NAMPT: variants seen among roughly 807,000 people sequenced by gnomAD.
NAMPT encodes NAmPRTase.
NAMPT carries 7 observed loss-of-function variants against 58.7 expected under a neutral mutation model. The observed-to-expected ratio is 0.12, with a 90% CI of 0.07 to 0.22. NAMPT has a LOEUF of 0.22. NAMPT is among the 10% of genes least tolerant of loss of function. NAMPT has a pLI of 1.00. For missense variants in NAMPT, 271 were observed against 567.9 expected, an observed-to-expected ratio of 0.48 and a Z score of 5.31; for synonymous variants, 145 against 198.1, an observed-to-expected ratio of 0.73 and a Z score of 2.25.
chr7:106,280,801 C>A (rs1324127096), intron 1 of NAMPT, among the ~76,000 whole-genome samples: 1 of 151,594 alleles, frequency 6.6e-6, no homozygotes, highest in Non-Finnish European at 1.5e-5. Context: ...ACTAGCCGGG[C>A]GTGGTGGCAC....
intron 3 of NAMPT, among the ~76,000 whole-genome samples, chr7:106,273,953 CT>C (rs1221702988): frequency 1.3e-5 from 2 of 151,690 alleles, no homozygotes; most frequent in Non-Finnish European, 2.9e-5. Flanking sequence ...GTTTGTGAGA[CT>C]TAAAAGTAAC....
intron 8 of NAMPT, among the ~76,000 whole-genome samples, chr7:106,258,402 T>A (rs1792246817): frequency 6.6e-6 from 1 of 152,242 alleles, no homozygotes; most frequent in Non-Finnish European, 1.5e-5. Flanking sequence ...GTTTCATAGC[T>A]GTAGATACCA....
intron 4 of NAMPT, chr7:106,272,206 T>C (rs1046995521): frequency 1.4e-5 from 4 of 284,654 alleles, no homozygotes; most frequent in Non-Finnish European, 2.9e-5. Flanking sequence ...CGTAAGTTAC[T>C]AGAAATGTGC....
intron 3 of NAMPT, among the ~76,000 whole-genome samples, chr7:106,273,299 G>A (rs181131363): frequency 6.6e-5 from 10 of 152,276 alleles, no homozygotes; most frequent in Admixed American, 3.3e-4. Flanking sequence ...TTAGGCTGAA[G>A]GTTATTTGTT....
intron 4 of NAMPT, chr7:106,272,133 GT>G: frequency 2.7e-6 from 1 of 370,804 alleles, no homozygotes; most frequent in Non-Finnish European, 5.4e-6. Context: ...GAAGAAAGTA[GT>G]TACTAGAAGT....
chr7:106,285,252 C>T (rs1382676874), upstream of NAMPT: 9 of 886,678 alleles, frequency 1.0e-5, no homozygotes, highest in Admixed American at 5.5e-5. Context: ...CGCTCTTCCT[C>T]CCAGACGCCA....
intron 7 of NAMPT, among the ~76,000 whole-genome samples, chr7:106,262,394 T>G (rs1792321272): frequency 6.6e-6 from 1 of 152,102 alleles, no homozygotes; most frequent in African/African-American, 2.4e-5. Flanking sequence ...TGATTAAAGA[T>G]TCTAACAAAG....
upstream of NAMPT, chr7:106,285,234 G>GC: frequency 1.0e-6 from 1 of 986,464 alleles, no homozygotes; most frequent in Non-Finnish European, 1.3e-6. Flanking sequence ...AGGAGGACGT[G>GC]ATGCACGCGC....
Position 106,269,442 on chromosome 7 carries a change from G to A in NAMPT, c.448-130C>T, listed in dbSNP as rs892737294. 6.2e-6 allele frequency: 5 copies of A among 812,836 alleles called. No homozygotes were observed. The African/African-American group carries it at 8.9e-5, about 14-fold the overall frequency. 50.4% of individuals were successfully genotyped at this position (812,836 alleles called of 1,614,324 possible). On this transcript the variant is annotated intron_variant, in intron 4 of 10. Transcript: ENST00000222553. The stretch of plus-strand genomic sequence containing the variant: ...CATACTATTAACTAGACACAGAACT[G>A]CGCAGCAGGATGCCTGCTGTGTGCA...
chr7:106,265,901 CATCT>C (rs1792399605), intron 6 of NAMPT, among the ~76,000 whole-genome samples: 1 of 152,162 alleles, frequency 6.6e-6, no homozygotes, highest in Non-Finnish European at 1.5e-5. Context: ...GGTGCAGATT[CATCT>C]ATTAAGATAC....
At chr7:106,270,955 C>T (rs1792519557) in intron 4 of NAMPT, among the ~76,000 whole-genome samples, 1 of 152,238 alleles carries the variant, frequency 6.6e-6, no homozygotes, top group African/African-American at 2.4e-5. Context: ...TAACCAATCA[C>T]CTCCAACATC....
chr7:106,285,224 A>G, upstream of NAMPT: 2 of 1,064,350 alleles, frequency 1.9e-6, no homozygotes, highest in Non-Finnish European at 2.3e-6. Context: ...CGGGGCGGGG[A>G]GGAGGACGTG....
chr7:106,266,752 CATAGG>C (rs1017734369), intron 6 of NAMPT, among the ~76,000 whole-genome samples: 1 of 152,134 alleles, frequency 6.6e-6, no homozygotes, highest in African/African-American at 2.4e-5. Flanking sequence ...TTTTTCAATC[CATAGG>C]ATAGATATCC....
chr7:106,249,684 A>G lies in NAMPT; in HGVS notation c.*1399T>C. ...CATTTGGCTTCTATTGCAGCTGTTT[A>G]CCTTAGGCTGGAGTAGTGGGAAAGC... On this transcript the variant is annotated 3_prime_UTR_variant, in exon 11 of 11. Transcript: ENST00000222553. 6.6e-6 allele frequency: 1 copy of G among 152,018 alleles called. No homozygotes were observed. The highest frequency in any genetic ancestry group is 1.5e-5 in the Non-Finnish European group (1 of 67,926). The allele number at this position is 152,018 out of a possible 1,614,324, so 9.4% of individuals were successfully genotyped here.
intron 1 of NAMPT, 27 bp from the exon 2 acceptor site, chr7:106,277,206 G>C (rs769998207): frequency 1.3e-6 from 2 of 1,573,994 alleles, no homozygotes; most frequent in South Asian, 2.2e-5. Flanking sequence ...ACTTCTGTTA[G>C]AAAACACCGA....
chr7:106,267,148 A>G (rs982439974), intron 6 of NAMPT, among the ~76,000 whole-genome samples: 2 of 152,228 alleles, frequency 1.3e-5, no homozygotes, highest in South Asian at 2.1e-4. Flanking sequence ...AAGATTTTGT[A>G]TATTTCTATA....
chr7:106,278,804 A>G (rs1441842727), intron 1 of NAMPT, among the ~76,000 whole-genome samples: 1 of 152,190 alleles, frequency 6.6e-6, no homozygotes, highest in African/African-American at 2.4e-5. Context: ...CTAAGTAGTG[A>G]GATAGAAGAA....
At chr7:106,268,436 G>A (rs768638105) in intron 6 of NAMPT, 28 bp downstream of exon 6, 1 of 1,590,786 alleles carries the variant, frequency 6.3e-7, no homozygotes, top group Non-Finnish European at 8.5e-7. Flanking sequence ...AAAATTAGTA[G>A]TTTTAAAAAA....
intron 6 of NAMPT, 155 bp downstream of exon 6, chr7:106,268,309 T>C (rs563561919): frequency 1.5e-6 from 1 of 664,118 alleles, no homozygotes; most frequent in Non-Finnish European, 2.5e-6. Flanking sequence ...CTAAGACTAA[T>C]GTTTATACTT....
Sources: gnomAD v4.1 joint callset for allele counts (sites outside exome capture counted in the v4.1 genomes callset) on GRCh38, gnomAD v4.1.1 for gene constraint, MANE v1.5 for transcripts, NCBI Gene and HGNC (gene_info 2026-07-23, HGNC 2026-07-21) for gene names.